The following MYLK variants were observed in gnomAD, a reference collection of about 807,000 sequenced individuals.
MYLK encodes the protein myosin light chain kinase, smooth muscle.
Under a neutral mutation model 203.4 loss-of-function variants are expected in MYLK, and 106 were observed. The ratio of observed to expected loss-of-function variants is 0.52; its 90% confidence interval spans 0.45 to 0.61. The LOEUF is 0.61. Ranked by LOEUF, MYLK falls within the 20% of genes least tolerant of loss-of-function variation. MYLK has a pLI of 0.00. For synonymous variants in MYLK, 867 were observed against 959.5 expected (o/e 0.90, Z 1.78); for missense variants, 2,072 against 2,442.3 (o/e 0.85, Z 3.20).
At chr3:123,638,020 C>T (rs1012944251) in intron 29 of MYLK, 51 bp downstream of exon 29, 2 of 1,612,486 alleles carry the variant, frequency 1.2e-6, no homozygotes, top group Non-Finnish European at 1.7e-6. Context: ...CAGCCCCCAC[C>T]CACTGGTCCA....
At chr3:123,632,350 A>G (rs1291257199) in intron 29 of MYLK, among the ~76,000 whole-genome samples, 3 of 152,090 alleles carry the variant, frequency 2.0e-5, no homozygotes, top group African/African-American at 7.2e-5. Flanking sequence ...GGAAACAGAG[A>G]GGGGGGAAGT....
chr3:123,744,987 G>A (rs915225896), intron 5 of MYLK, among the ~76,000 whole-genome samples: 2 of 151,924 alleles, frequency 1.3e-5, no homozygotes, highest in Non-Finnish European at 2.9e-5. Context: ...AATTATATGA[G>A]GTAATTATAT....
chr3:123,765,735 T>C (rs1171987472), intron 4 of MYLK, among the ~76,000 whole-genome samples: 4 of 152,064 alleles, frequency 2.6e-5, no homozygotes, highest in Admixed American at 6.6e-5. Flanking sequence ...TGGCATTACA[T>C]AGGGAAAAAT....
chr3:123,821,995 G>A (rs1312611985), intron 3 of MYLK, among the ~76,000 whole-genome samples: 1 of 152,036 alleles, frequency 6.6e-6, no homozygotes, highest in East Asian at 1.9e-4. Context: ...TGTTATTTCA[G>A]GAATGGGTTC....
intron 2 of MYLK, among the ~76,000 whole-genome samples, chr3:123,868,279 T>C (rs918437201): frequency 3.9e-5 from 6 of 152,170 alleles, no homozygotes; most frequent in Non-Finnish European, 8.8e-5. Flanking sequence ...TCTTTTGACC[T>C]AGCAATGCTT....
chr3:123,702,634 G>A (rs2061289275), intron 16 of MYLK, among the ~76,000 whole-genome samples: 1 of 152,178 alleles, frequency 6.6e-6, no homozygotes, highest in African/African-American at 2.4e-5. Context: ...TTTAATCTTA[G>A]AACAGCTCTG....
chr3:123,656,157 C>T (rs1441490071), intron 24 of MYLK, among the ~76,000 whole-genome samples: 1 of 152,166 alleles, frequency 6.6e-6, no homozygotes, highest in African/African-American at 2.4e-5. Flanking sequence ...TCCAGTGCTT[C>T]TCAAATGTTC....
chr3:123,697,468 T>G (rs111715358), intron 18 of MYLK, among the ~76,000 whole-genome samples: 9,805 of 152,264 alleles, frequency 0.064, 479 homozygotes, highest in South Asian at 0.15. Flanking sequence ...TTTCTGTTGA[T>G]AGACAAATTC....
intron 1 of MYLK, among the ~76,000 whole-genome samples, chr3:123,882,084 G>A (rs1305788839): frequency 1.3e-5 from 2 of 152,210 alleles, no homozygotes; most frequent in Non-Finnish European, 2.9e-5. Flanking sequence ...CTGGCCCCTG[G>A]GGAAGCAGCC....
intron 4 of MYLK, among the ~76,000 whole-genome samples, chr3:123,758,724 A>G (rs1479883794): frequency 1.3e-5 from 2 of 152,200 alleles, no homozygotes; most frequent in African/African-American, 4.8e-5. Flanking sequence ...TATCTAGACC[A>G]ACCTTATCAA....
chr3:123,876,488 T>C lies in MYLK; in HGVS notation c.-127+71A>G, dbSNP rs1410443743. 3 of 152,200 alleles carry C rather than the reference T, an allele frequency of 2.0e-5. No homozygotes were observed. The East Asian group carries it at 5.8e-4, about 29-fold the overall frequency. 9.4% of individuals were successfully genotyped at this position (152,200 alleles called of 1,614,324 possible). ...TGCTTTTTCCTGAGAAACTATAAAG[T>C]GATACGAATCTTAGTGGCTATAATT... is the stretch of plus-strand genomic sequence containing the variant. On this transcript the variant is annotated intron_variant, in intron 2 of 33. Transcript: ENST00000360304.
intron 2 of MYLK, among the ~76,000 whole-genome samples, chr3:123,875,185 T>C (rs2033072814): frequency 6.6e-6 from 1 of 152,182 alleles, no homozygotes; most frequent in African/African-American, 2.4e-5. Flanking sequence ...TAGTGAGTTG[T>C]TCATTATCAC....
chr3:123,791,623 C>T (rs1413030881), intron 4 of MYLK, among the ~76,000 whole-genome samples: 1 of 152,236 alleles, frequency 6.6e-6, no homozygotes, highest in Non-Finnish European at 1.5e-5. Flanking sequence ...TGGGTTAATT[C>T]AAGTCAGGTG....
At chr3:123,874,178 T>A (rs1395877801) in intron 2 of MYLK, among the ~76,000 whole-genome samples, 1 of 152,136 alleles carries the variant, frequency 6.6e-6, no homozygotes, top group African/African-American at 2.4e-5. Flanking sequence ...CCAAAAAATC[T>A]GTAATAGCCA....
chr3:123,660,167 C>T lies in MYLK; in HGVS notation c.3986-2739G>A, dbSNP rs554654597. Among the ~76,000 whole-genome samples the T allele has an allele frequency of 5.9e-5, 9 of 152,258 alleles. No individual in the cohort carries two copies. In the East Asian group the frequency reaches 1.7e-3, roughly 29 times the overall value. On this transcript the variant is annotated intron_variant, in intron 23 of 33. Coordinates refer to ENST00000360304, the MANE Select transcript of MYLK (RefSeq NM_053025.4). ...AGGCATTTTGCTTATCAAGAAAACC[C>T]AGTAGTCAGTGGCAGAGCCAAAAGG... is the stretch of plus-strand genomic sequence containing the variant.
At chr3:123,764,800 C>T (rs2063651102) in intron 4 of MYLK, among the ~76,000 whole-genome samples, 1 of 152,212 alleles carries the variant, frequency 6.6e-6, no homozygotes. Context: ...TTCAGCTTCA[C>T]TTCGCAACCC....
intron 6 of MYLK, 23 bp from the exon 7 acceptor site, chr3:123,739,085 T>C: frequency 6.2e-7 from 1 of 1,612,900 alleles, no homozygotes; most frequent in Non-Finnish European, 8.5e-7. Context: ...TGGCAGAGAA[T>C]CCAGTCCCAG....
At chr3:123,767,908 G>C (rs1172083308) in intron 4 of MYLK, among the ~76,000 whole-genome samples, 1 of 152,192 alleles carries the variant, frequency 6.6e-6, no homozygotes. Flanking sequence ...GAATTGGAAG[G>C]GTCTGTAAAC....
chr3:123,873,245 A>T (rs1447901279), intron 2 of MYLK, among the ~76,000 whole-genome samples: 2 of 152,162 alleles, frequency 1.3e-5, no homozygotes, highest in Non-Finnish European at 1.5e-5. Flanking sequence ...ATCATTATTC[A>T]TTCACGGTAA....
Sources: gnomAD v4.1 joint callset for allele counts (sites outside exome capture counted in the v4.1 genomes callset) on GRCh38, gnomAD v4.1.1 for gene constraint, MANE v1.5 for transcripts, NCBI Gene and HGNC (gene_info 2026-07-23, HGNC 2026-07-21) for gene names.